Variants in ARSG observed in about 807,000 individuals in gnomAD.
ARSG encodes arylsulfatase G.
Under a neutral mutation model 50.5 loss-of-function variants are expected in ARSG, and 37 were observed. The ratio of observed to expected loss-of-function variants is 0.73; its 90% CI spans 0.56 to 0.96. The LOEUF (loss-of-function observed/expected upper bound fraction) is 0.96. Ranked by LOEUF, ARSG falls within the 50% of genes least tolerant of loss-of-function variation. The pLI, the probability that ARSG is intolerant of heterozygous loss-of-function variation, is 0.00. For synonymous variants in ARSG, 225 were observed against 254.6 expected (o/e 0.88, Z 1.11); for missense variants, 629 against 675.3 (o/e 0.93, Z 0.76).
chr17:68,368,802 A>G, intron 7 of ARSG, 58 bp downstream of exon 7: 1 of 1,564,892 alleles, frequency 6.4e-7, no homozygotes, highest in Non-Finnish European at 8.7e-7. Context: ...CTTGCACATT[A>G]CCTGTGAAGA....
At position 68,373,069 on chromosome 17, in the gene ARSG, G is replaced by GTT. The variant is rs112685432; in HGVS notation, c.982+2553_982+2554dup. 4.2e-4 allele frequency among the ~76,000 whole-genome samples: 62 copies of GTT among 148,674 alleles called. 1 individual carries two copies. The highest frequency in any genetic ancestry group is 7.8e-4 in the Non-Finnish European group (52 of 67,092). On this transcript the variant is annotated intron_variant, in intron 8 of 11. Transcript: ENST00000621439. Reference sequence around the variant, plus strand: ...ACCACGCTCAGCTAATTTTTTGTTTGTTTTTTTTTGTTTTTGTATTTTTAG... The same window carrying GTT: ...ACCACGCTCAGCTAATTTTTTGTTTGTTTTTTTTTTTGTTTTTGTATTTTTAG...
chr17:68,341,518 C>G (rs1045296806), intron 2 of ARSG, among the ~76,000 whole-genome samples: 3 of 152,140 alleles, frequency 2.0e-5, no homozygotes, highest in Admixed American at 6.5e-5. Context: ...TGATTCCAAC[C>G]TCTGTGCCAC....
chr17:68,279,039 G>A (rs2075614292), intron 1 of ARSG, among the ~76,000 whole-genome samples: 1 of 152,116 alleles, frequency 6.6e-6, no homozygotes, highest in African/African-American at 2.4e-5. Flanking sequence ...AAAGTTAAAT[G>A]GGAAAAACAG....
At chr17:68,446,658 G>A in the ARSG span, among the ~76,000 whole-genome samples, 1 of 152,168 alleles carries the variant, frequency 6.6e-6, no homozygotes, top group Non-Finnish European at 1.5e-5. Flanking sequence ...AGAACTACGT[G>A]GTTCTATGCT....
intron 1 of ARSG, among the ~76,000 whole-genome samples, chr17:68,299,955 A>G (rs1292657410): frequency 1.2e-5 from 1 of 81,668 alleles, no homozygotes; most frequent in Non-Finnish European, 2.5e-5. Context: ...TTTTTTTTTT[A>G]AGAGACAGGG....
At chr17:68,412,767 G>A (rs564537895) in intron 11 of ARSG, among the ~76,000 whole-genome samples, 4 of 152,256 alleles carry the variant, frequency 2.6e-5, no homozygotes, top group East Asian at 1.9e-4. Context: ...CCAATCAGAC[G>A]TAGATTTGGT....
At chr17:68,401,499 G>A (rs755203895) in intron 11 of ARSG, 49 bp downstream of exon 11, 1 of 1,555,940 alleles carries the variant, frequency 6.4e-7, no homozygotes, top group South Asian at 1.1e-5. Context: ...CAGCTGCACG[G>A]GGACCCCATG....
rs1351813542 is a variant in ARSG at position 68,329,046 on chromosome 17, T to C, written c.219-14558T>C. On this transcript the variant is annotated intron_variant, in intron 2 of 11. Coordinates refer to ENST00000621439, the MANE Select transcript of ARSG (RefSeq NM_001267727.2). The stretch of plus-strand genomic sequence containing the variant: ...TCCCTGAACAAGATAAAGTCAGATA[T>C]GATAAGGGTTAGGGACAAACTCGAA... Among the ~76,000 whole-genome samples, 3 of 152,246 alleles carry C rather than the reference T, an allele frequency of 2.0e-5. 1 individual carries two copies. The East Asian group carries it at 5.8e-4, about 29-fold the overall frequency.
chr17:68,391,028 G>A (rs111566547), intron 9 of ARSG, among the ~76,000 whole-genome samples: 10,463 of 151,530 alleles, frequency 0.069, 660 homozygotes, highest in African/African-American at 0.16. Flanking sequence ...GCACCGAAAC[G>A]AACAGGGGAA....
intron 11 of ARSG, among the ~76,000 whole-genome samples, 176 bp downstream of exon 11, chr17:68,401,626 C>G (rs1197260833): frequency 1.3e-5 from 2 of 152,212 alleles, no homozygotes; most frequent in East Asian, 3.9e-4. Context: ...TCTCTGGATC[C>G]CTCATATGCA....
intron 11 of ARSG, among the ~76,000 whole-genome samples, chr17:68,419,357 GAGACCAGCCTGGCCAAC>G (rs897998058): frequency 5.9e-5 from 9 of 152,030 alleles, no homozygotes; most frequent in East Asian, 1.9e-4. Flanking sequence ...TTAGGAGTTC[GAGACCAGCCTGGCCAAC>G]AGACCAGCCT....
chr17:68,425,908 G>A (rs1406677280), downstream of ARSG: 15 of 611,746 alleles, frequency 2.5e-5, no homozygotes, highest in African/African-American at 1.7e-4. Flanking sequence ...TGTAGGATTC[G>A]AAGCACACAG....
At chr17:68,446,484 T>G in the ARSG span, among the ~76,000 whole-genome samples, 1 of 152,134 alleles carries the variant, frequency 6.6e-6, no homozygotes, top group African/African-American at 2.4e-5. Context: ...GCCCAGCCCT[T>G]TCTCAGTTTT....
chr17:68,434,795 G>A, the ARSG span, among the ~76,000 whole-genome samples: 1 of 152,156 alleles, frequency 6.6e-6, no homozygotes, highest in South Asian at 2.1e-4. Context: ...AACAATTCTT[G>A]GAAAATGTTA....
chr17:68,437,946 CTT>C, the ARSG span, among the ~76,000 whole-genome samples: 2 of 77,438 alleles, frequency 2.6e-5, no homozygotes, highest in East Asian at 3.4e-4. Context: ...AGACATCTCT[CTT>C]AAAAAAAAAA....
At position 68,417,733 on chromosome 17, in the gene ARSG, A is replaced by ATTTTTTTTTT. The variant is rs770292731; in HGVS notation, c.1304-2433_1304-2424dup. Among the ~76,000 whole-genome samples, 175 of 60,832 alleles carry ATTTTTTTTTT rather than the reference A, an allele frequency of 2.9e-3. 30 individuals are homozygous for ATTTTTTTTTT. The highest frequency in any genetic ancestry group is 3.8e-3 in the Non-Finnish European group (131 of 34,592). 39.9% of individuals were successfully genotyped at this position (60,832 alleles called of 152,430 possible). Reference sequence around the variant, plus strand: ...CAAAAGACCTAATAAGAGTTGCTGAATTTTTTTTTTTTTTTTTTTTTTTTT... The same window carrying ATTTTTTTTTT: ...CAAAAGACCTAATAAGAGTTGCTGAATTTTTTTTTTTTTTTTTTTTTTTTTTTTTTTTTTT... On this transcript the variant is annotated intron_variant, in intron 11 of 11. Transcript: ENST00000621439.
chr17:68,378,586 A>G lies in ARSG; in HGVS notation c.983-6478A>G, dbSNP rs1599960749. Among the ~76,000 whole-genome samples, 1 of 151,826 alleles carries G rather than the reference A, an allele frequency of 6.6e-6. No homozygotes were observed. The highest frequency in any genetic ancestry group is 1.5e-5 in the Non-Finnish European group (1 of 67,954). Reference sequence around the variant, plus strand: ...CGAAGAAGAAGGGCACGAGTCAGACACCCCTGCTGTCTCTGAGTCCACAGC... The same window carrying G: ...CGAAGAAGAAGGGCACGAGTCAGACGCCCCTGCTGTCTCTGAGTCCACAGC... On this transcript the variant is annotated intron_variant, in intron 8 of 11. Transcript: ENST00000621439. The surrounding 1 kb of genome is among the most constrained non-coding windows in gnomAD (Gnocchi z 4.4).
chr17:68,384,975 G>T, intron 8 of ARSG, 89 bp from the exon 9 acceptor site: 1 of 1,058,550 alleles, frequency 9.4e-7, no homozygotes. Flanking sequence ...GAAACTCAGA[G>T]AGGGGTTCTC....
intron 1 of ARSG, among the ~76,000 whole-genome samples, chr17:68,266,677 G>C (rs1223638103): frequency 6.6e-6 from 1 of 151,696 alleles, no homozygotes; most frequent in Non-Finnish European, 1.5e-5. Flanking sequence ...CAGGCATGGT[G>C]GCGGGCACCT....
Sources: allele counts gnomAD v4.1 joint callset (sites outside exome capture counted in the v4.1 genomes callset), GRCh38; gene constraint gnomAD v4.1.1; non-coding constraint Gnocchi (gnomAD v3.1); transcripts MANE v1.5; gene names NCBI Gene and HGNC (gene_info 2026-07-23, HGNC 2026-07-21).